The following RAB11A variants were observed in gnomAD, a reference collection of about 807,000 sequenced individuals.
The protein encoded by RAB11A is RAB11A, member RAS oncogene family.
Under a neutral mutation model 28.0 loss-of-function variants are expected in RAB11A, and 9 were observed. The observed-to-expected ratio is 0.32, with a 90% confidence interval of 0.19 to 0.56. The LOEUF (loss-of-function observed/expected upper bound fraction) is 0.56. RAB11A is among the 20% of genes least tolerant of loss of function. The pLI, the probability that RAB11A is intolerant of heterozygous loss-of-function variation, is 0.91. For synonymous variants in RAB11A, 85 were observed against 88.2 expected (o/e 0.96, Z 0.20); for missense variants, 108 against 269.6 (o/e 0.40, Z 4.20).
chr15:65,885,077 T>TC (rs1329407166), intron 4 of RAB11A, among the ~76,000 whole-genome samples: 3 of 150,424 alleles, frequency 2.0e-5, no homozygotes, highest in African/African-American at 7.3e-5. Flanking sequence ...AAAAAGGCAT[T>TC]CTCCTACATA....
Position 65,877,963 on chromosome 15 carries a change from A to C in RAB11A, c.430+8A>C. ...AAGCAAGAGCTTTTGCAGGTTAGTG[A>C]TAGGAATTCCATGATATTTCTTACC... On this transcript the variant is annotated splice_region_variant and intron_variant, in intron 3 of 4. Coordinates refer to ENST00000261890, the MANE Select transcript of RAB11A (RefSeq NM_004663.5). The surrounding 1 kb of genome is among the most constrained non-coding windows in gnomAD (Gnocchi z 4.1). 2 of 1,605,778 alleles carry C rather than the reference A, an allele frequency of 1.2e-6. No homozygotes were observed.
chr15:65,881,890 A>AAC (rs1340601784), intron 4 of RAB11A, among the ~76,000 whole-genome samples: 3 of 151,090 alleles, frequency 2.0e-5, no homozygotes, highest in Non-Finnish European at 4.4e-5. Flanking sequence ...AAAAAAAAAA[A>AAC]AAAAAAAAAA....
At chr15:65,876,633 T>C (rs1435884054) in intron 1 of RAB11A, among the ~76,000 whole-genome samples, 3 of 152,228 alleles carry the variant, frequency 2.0e-5, no homozygotes, top group Non-Finnish European at 4.4e-5. Context: ...GTCAGAATTA[T>C]TAGTTTCCTA....
chr15:65,880,639 C>CT lies in RAB11A; in HGVS notation c.511+891dup, dbSNP rs1450344494. Among the ~76,000 whole-genome samples, 5 of 152,054 alleles carry CT rather than the reference C, an allele frequency of 3.3e-5. No homozygotes were observed. In the East Asian group the frequency reaches 7.7e-4, roughly 23 times the overall value. Reference sequence around the variant, plus strand: ...TGTATTAGAGATTAACAGATTTTAACTTTAACATGTTATCTTCTTTTACTG... The same window carrying CT: ...TGTATTAGAGATTAACAGATTTTAACTTTTAACATGTTATCTTCTTTTACTG... On this transcript the variant is annotated intron_variant, in intron 4 of 4. Transcript: ENST00000261890.
rs1162876628 is a variant in RAB11A, at chr15:65,889,326, G to A, written c.*1486G>A. On this transcript the variant is annotated 3_prime_UTR_variant, in exon 5 of 5. Coordinates refer to ENST00000261890, the MANE Select transcript of RAB11A (RefSeq NM_004663.5). ...GCCATTTTATTATTTTAGTGTATTA[G>A]TTATGAAGATAATATTATCTATTTG... 2 of 152,086 alleles carry A rather than the reference G, an allele frequency of 1.3e-5. No individual in the cohort carries two copies. Among genetic ancestry groups the A allele is most frequent in the Non-Finnish European group, 2.9e-5 (2 of 68,002 alleles). 9.4% of individuals were successfully genotyped at this position (152,086 alleles called of 1,614,324 possible). A position where few individuals can be genotyped will look rare whatever the true frequency, so the allele number is the denominator to read the frequency against.
chr15:65,887,121 C>G (rs2078260491), intron 4 of RAB11A, among the ~76,000 whole-genome samples: 1 of 149,084 alleles, frequency 6.7e-6, no homozygotes, highest in Non-Finnish European at 1.5e-5. Context: ...TGAAAATACT[C>G]TTATGGTTTA....
At chr15:65,870,959 C>T (rs1041589695) in intron 1 of RAB11A, among the ~76,000 whole-genome samples, 1 of 152,018 alleles carries the variant, frequency 6.6e-6, no homozygotes, top group Non-Finnish European at 1.5e-5. Context: ...TGCACTCTCA[C>T]TCTGATGCTC....
intron 4 of RAB11A, among the ~76,000 whole-genome samples, chr15:65,880,436 G>A (rs2078215272): frequency 6.6e-6 from 1 of 152,056 alleles, no homozygotes; most frequent in African/African-American, 2.4e-5. Flanking sequence ...GTACTTTGAT[G>A]GGTTGTTTTT....
chr15:65,885,213 C>T (rs2078249057), intron 4 of RAB11A, among the ~76,000 whole-genome samples: 1 of 151,470 alleles, frequency 6.6e-6, no homozygotes, highest in Non-Finnish European at 1.5e-5. Flanking sequence ...ACAACCTCCC[C>T]TCCGGGACAA....
chr15:65,880,494 TGTG>T (rs2078215564), intron 4 of RAB11A, among the ~76,000 whole-genome samples: 1 of 152,242 alleles, frequency 6.6e-6, no homozygotes, highest in South Asian at 2.1e-4. Flanking sequence ...TGATTTAAAA[TGTG>T]GTCTTAATAT....
At position 65,889,691 on chromosome 15, in the gene RAB11A, C is replaced by T. The variant is rs1200850062; in HGVS notation, c.*1851C>T. The stretch of plus-strand genomic sequence containing the variant: ...TCATATATAACAGTGTCACCAGACC[C>T]AGGAAAAGAAACCATCTCTATTTTA... On this transcript the variant is annotated 3_prime_UTR_variant, in exon 5 of 5. Transcript: ENST00000261890. The T allele has an allele frequency of 6.6e-6, 1 of 152,062 alleles. No homozygotes were observed. 9.4% of individuals were successfully genotyped at this position (152,062 alleles called of 1,614,324 possible).
chr15:65,884,787 C>G (rs1285705129), intron 4 of RAB11A, among the ~76,000 whole-genome samples: 1 of 150,282 alleles, frequency 6.7e-6, no homozygotes, highest in Non-Finnish European at 1.5e-5. Context: ...AACCAAAAAC[C>G]TGATAAGAAA....
chr15:65,887,165 A>AT (rs1184438619), intron 4 of RAB11A, among the ~76,000 whole-genome samples: 1 of 146,920 alleles, frequency 6.8e-6, no homozygotes. Context: ...ATGTAATGCT[A>AT]TTGGCTTACC....
rs1173572901 is a variant in RAB11A, at chr15:65,891,649, T to G, written c.*3809T>G. ...AAAGCCAAATTATTAACATTTTAAC[T>G]CAAGTTTAAATTTAATAGAGAAGTC... is the stretch of plus-strand genomic sequence containing the variant. On this transcript the variant is annotated 3_prime_UTR_variant, in exon 5 of 5. Coordinates refer to ENST00000261890, the MANE Select transcript of RAB11A (RefSeq NM_004663.5). 1.3e-5 allele frequency: 2 copies of G among 152,226 alleles called. No individual in the cohort carries two copies. The highest frequency in any genetic ancestry group is 2.9e-5 in the Non-Finnish European group (2 of 68,034). The allele number at this position is 152,226 out of a possible 1,614,324, so 9.4% of individuals were successfully genotyped here. A position where few individuals can be genotyped will look rare whatever the true frequency, so the allele number is the denominator to read the frequency against.
Position 65,887,931 on chromosome 15 carries a change from GT to G in RAB11A, c.*95del. 7.7e-7 allele frequency: 1 copy of G among 1,300,290 alleles called. No individual in the cohort carries two copies. The highest frequency in any genetic ancestry group is 1.0e-6 in the Non-Finnish European group (1 of 988,530). The allele number at this position is 1,300,290 out of a possible 1,614,324, so 80.5% of individuals were successfully genotyped here. A position where few individuals can be genotyped will look rare whatever the true frequency, so the allele number is the denominator to read the frequency against. ...TTTGTAATTCTTGTGTCACTTTTGT[GT>G]TTTATTACTTCATACTTATGAATTT... On this transcript the variant is annotated 3_prime_UTR_variant, in exon 5 of 5. Transcript: ENST00000261890.
In RAB11A at chr15:65,879,641, A is replaced by G. The variant is rs2078210030; in HGVS notation, c.431-30A>G. The G allele has an allele frequency of 3.3e-6, 5 of 1,518,124 alleles. No homozygotes were observed. In the East Asian group the frequency reaches 1.1e-4, roughly 35 times the overall value. 94.0% of individuals were successfully genotyped at this position (1,518,124 alleles called of 1,614,324 possible). A position where few individuals can be genotyped will look rare whatever the true frequency, so the allele number is the denominator to read the frequency against. On this transcript the variant is annotated intron_variant, in intron 3 of 4. Transcript: ENST00000261890. ...ATCCTATTCCTTGTTTTAAAACTTA[A>G]CAAGACTGAACTTTTGTGTCTCCCC... is the stretch of plus-strand genomic sequence containing the variant.
At position 65,877,191 on chromosome 15, in the gene RAB11A, C is replaced by T. The variant is rs1185880934; in HGVS notation, c.41-141C>T. On this transcript the variant is annotated intron_variant, in intron 1 of 4. Transcript: ENST00000261890. The surrounding 1 kb of genome is among the most constrained non-coding windows in gnomAD (Gnocchi z 4.1). ...AAGAACATGCTGTTCAACCCCCTACCCCCATTCCTTTTTAAAAGTCATATA... is the reference window on the plus strand; with the variant it reads ...AAGAACATGCTGTTCAACCCCCTACTCCCATTCCTTTTTAAAAGTCATATA... 1 of 661,158 alleles carries T rather than the reference C, an allele frequency of 1.5e-6. No individual in the cohort carries two copies. Among genetic ancestry groups the T allele is most frequent in the Non-Finnish European group, 2.6e-6 (1 of 388,536 alleles). The allele number at this position is 661,158 out of a possible 1,614,324, so 41.0% of individuals were successfully genotyped here. A position where few individuals can be genotyped will look rare whatever the true frequency, so the allele number is the denominator to read the frequency against.
intron 1 of RAB11A, among the ~76,000 whole-genome samples, chr15:65,872,110 C>T (rs572157788): frequency 1.1e-3 from 165 of 151,428 alleles, no homozygotes; most frequent in African/African-American, 3.6e-3. Context: ...CGCGCCACCA[C>T]GCCCGGCTAG....
intron 1 of RAB11A, among the ~76,000 whole-genome samples, 154 bp downstream of exon 1, chr15:65,869,779 T>A (rs1227239017): frequency 6.6e-6 from 1 of 152,040 alleles, no homozygotes; most frequent in Non-Finnish European, 1.5e-5. Context: ...CTCAGCCTCT[T>A]CTCCCCCGCT....
Sources: gnomAD v4.1 joint callset for allele counts (sites outside exome capture counted in the v4.1 genomes callset) on GRCh38, gnomAD v4.1.1 for gene constraint, Gnocchi (gnomAD v3.1) non-coding constraint, MANE v1.5 for transcripts, NCBI Gene and HGNC (gene_info 2026-07-23, HGNC 2026-07-21) for gene names.